Variants in UBE2E2 observed in about 807,000 individuals in gnomAD.
UBE2E2 encodes the protein ubiquitin-conjugating enzyme E2 E2.
Under a neutral mutation model 24.7 loss-of-function variants are expected in UBE2E2, and 6 were observed. The observed-to-expected ratio is 0.24, with a 90% CI of 0.13 to 0.48. The LOEUF (loss-of-function observed/expected upper bound fraction) is 0.48, where lower values mean the gene tolerates loss of function less well. UBE2E2 is among the 20% of genes least tolerant of loss of function. UBE2E2 has a pLI of 0.99. For missense variants in UBE2E2, 169 were observed against 245.0 expected (o/e 0.69, Z 2.07); for synonymous variants, 104 against 83.6 (o/e 1.24, Z -1.33).
chr3:23,541,703 G>A (rs894923881), intron 5 of UBE2E2, among the ~76,000 whole-genome samples: 7 of 152,086 alleles, frequency 4.6e-5, no homozygotes, highest in Admixed American at 1.3e-4. Flanking sequence ...CCCCACCACC[G>A]CCCCAATTCA....
At chr3:23,235,908 G>A (rs1697091278) in intron 3 of UBE2E2, among the ~76,000 whole-genome samples, 1 of 152,146 alleles carries the variant, frequency 6.6e-6, no homozygotes, top group African/African-American at 2.4e-5. Context: ...CAAGTAGGCA[G>A]TTGAACATGA....
chr3:23,570,301 G>A (rs1177300300), intron 5 of UBE2E2, among the ~76,000 whole-genome samples: 1 of 152,076 alleles, frequency 6.6e-6, no homozygotes, highest in Non-Finnish European at 1.5e-5. Flanking sequence ...TGGGTAACAG[G>A]TGTCAAAATG....
chr3:23,368,385 T>C (rs1696314833), intron 3 of UBE2E2, among the ~76,000 whole-genome samples: 2 of 152,154 alleles, frequency 1.3e-5, no homozygotes. Context: ...CCTGACTTCA[T>C]GGATAAAGAA....
At chr3:23,278,176 C>T (rs1698410858) in intron 3 of UBE2E2, among the ~76,000 whole-genome samples, 1 of 152,024 alleles carries the variant, frequency 6.6e-6, no homozygotes, top group Non-Finnish European at 1.5e-5. Flanking sequence ...CAACACTCAT[C>T]AAAGTATACT....
At chr3:23,566,899 A>G (rs892331724) in intron 5 of UBE2E2, among the ~76,000 whole-genome samples, 1 of 152,196 alleles carries the variant, frequency 6.6e-6, no homozygotes, top group Non-Finnish European at 1.5e-5. Context: ...GGAAAGGGGA[A>G]AGGCCAAGAG....
chr3:23,398,876 T>C, intron 3 of UBE2E2, among the ~76,000 whole-genome samples: 1 of 152,276 alleles, frequency 6.6e-6, no homozygotes, highest in Non-Finnish European at 1.5e-5. Context: ...TAAATATTAA[T>C]GTAATTGTCA....
chr3:23,416,381 C>T (rs1559377348), intron 3 of UBE2E2, among the ~76,000 whole-genome samples: 1 of 152,196 alleles, frequency 6.6e-6, no homozygotes, highest in East Asian at 1.9e-4. Context: ...TACTGGCGCT[C>T]ACGCTCCTCT....
At chr3:23,518,274 G>C (rs1417276527) in intron 4 of UBE2E2, among the ~76,000 whole-genome samples, 1 of 152,056 alleles carries the variant, frequency 6.6e-6, no homozygotes, top group African/African-American at 2.4e-5. Context: ...TGGACAAGTG[G>C]GGAATAGAGA....
chr3:23,379,430 T>C (rs557291078), intron 3 of UBE2E2, among the ~76,000 whole-genome samples: 2 of 135,076 alleles, frequency 1.5e-5, no homozygotes, highest in African/African-American at 2.8e-5. Context: ...GAGTATGATA[T>C]TCCCCTTCCT....
intron 3 of UBE2E2, among the ~76,000 whole-genome samples, chr3:23,480,305 A>G (rs1699230172): frequency 6.6e-6 from 1 of 152,222 alleles, no homozygotes; most frequent in African/African-American, 2.4e-5. Context: ...GCTCCACCTC[A>G]GAGTGGATGC....
intron 3 of UBE2E2, among the ~76,000 whole-genome samples, chr3:23,412,043 T>G (rs1697507038): frequency 1.3e-5 from 2 of 152,168 alleles, no homozygotes; most frequent in African/African-American, 4.8e-5. Flanking sequence ...ATTAAGATTC[T>G]TGTGCAAGCA....
chr3:23,571,280 C>CTCTTTTTTT (rs1696217145), intron 5 of UBE2E2, among the ~76,000 whole-genome samples: 7 of 29,866 alleles, frequency 2.3e-4, no homozygotes, highest in African/African-American at 7.2e-4. Context: ...GTGCTCCTTT[C>CTCTTTTTTT]TTTTTTTTTT....
In UBE2E2 at chr3:23,532,698, C is replaced by T; in HGVS notation, c.505C>T (p.Pro169Ser). The T allele has an allele frequency of 6.5e-7, 1 of 1,529,478 alleles. No homozygotes were observed. Among genetic ancestry groups the T allele is most frequent in the Non-Finnish European group, 8.9e-7 (1 of 1,121,910 alleles). The allele number at this position is 1,529,478 out of a possible 1,614,324, so 94.7% of individuals were successfully genotyped here. A position where few individuals can be genotyped will look rare whatever the true frequency, so the allele number is the denominator to read the frequency against. Residue 169 changes from proline to serine, a missense_variant, in exon 5 of 6, where the codon CCT becomes TCT. Physicochemically the swap from Pro to Ser is moderately conservative, Grantham distance 74 (BLOSUM62 -1). Coordinates refer to ENST00000396703, the MANE Select transcript of UBE2E2 (RefSeq NM_152653.4). ...CTGCTCACTTCTTACAGATTGCAAC[C>T]CTGGTAAGAGACTTTAAATCTAGTA... ...SICSLLTDCN[P>S]ADPLVGSIAT...
At chr3:23,378,173 A>G (rs918020926) in intron 3 of UBE2E2, among the ~76,000 whole-genome samples, 1 of 151,074 alleles carries the variant, frequency 6.6e-6, no homozygotes, top group Non-Finnish European at 1.5e-5. Flanking sequence ...TTTTATATAC[A>G]TATCTGAAAA....
chr3:23,285,562 T>C (rs1476471369), intron 3 of UBE2E2, among the ~76,000 whole-genome samples: 6 of 152,198 alleles, frequency 3.9e-5, no homozygotes, highest in African/African-American at 1.2e-4. Flanking sequence ...TGGATAAAAG[T>C]CATTTTAACT....
chr3:23,360,841 CTAAT>C (rs1696094772), intron 3 of UBE2E2, among the ~76,000 whole-genome samples: 1 of 150,104 alleles, frequency 6.7e-6, no homozygotes, highest in Non-Finnish European at 1.5e-5. Flanking sequence ...TAAATGGGAC[CTAAT>C]TAAACTAAAA....
chr3:23,397,037 G>A (rs1246359070), intron 3 of UBE2E2, among the ~76,000 whole-genome samples: 1 of 152,150 alleles, frequency 6.6e-6, no homozygotes, highest in East Asian at 1.9e-4. Flanking sequence ...CACTTTTCCA[G>A]TGTATGATTA....
intron 3 of UBE2E2, among the ~76,000 whole-genome samples, chr3:23,464,029 T>C (rs573892976): frequency 6.6e-6 from 1 of 152,292 alleles, no homozygotes; most frequent in South Asian, 2.1e-4. Context: ...GTGGCTGTTT[T>C]CCACTTCTAA....
intron 3 of UBE2E2, among the ~76,000 whole-genome samples, chr3:23,261,332 A>C (rs1208478722): frequency 1.3e-5 from 2 of 152,036 alleles, no homozygotes; most frequent in Non-Finnish European, 2.9e-5. Context: ...TTGAGGTATA[A>C]TTGACAATAA....
Sources: allele counts gnomAD v4.1 joint callset (sites outside exome capture counted in the v4.1 genomes callset), GRCh38; gene constraint gnomAD v4.1.1; transcripts MANE v1.5; gene names NCBI Gene and HGNC (gene_info 2026-07-23, HGNC 2026-07-21).